The following SLCO1C1 variants were observed in gnomAD, a reference collection of about 807,000 sequenced individuals.
SLCO1C1 encodes the protein solute carrier organic anion transporter family member 1C1.
In SLCO1C1, 70 loss-of-function variants were observed where a neutral mutation model predicts 76.4. The ratio of observed to expected loss-of-function variants is 0.92; its 90% CI spans 0.76 to 1.12. The LOEUF is 1.12. Ranked by LOEUF, SLCO1C1 falls within the 50% of genes most tolerant of loss-of-function variation. The probability of loss-of-function intolerance (pLI) is 0.00; values close to 1 mark genes in which losing one functional copy is unlikely to be tolerated. For missense variants in SLCO1C1, 912 were observed against 823.8 expected (o/e 1.11, Z -1.31); for synonymous variants, 306 against 286.1 (o/e 1.07, Z -0.70).
Position 20,698,926 on chromosome 12 carries a change from T to C in SLCO1C1, c.-25-626T>C, listed in dbSNP as rs144914556. Among the ~76,000 whole-genome samples, 38 of 152,102 alleles carry C rather than the reference T, an allele frequency of 2.5e-4. No individual in the cohort carries two copies. The East Asian group carries it at 7.4e-3, about 30-fold the overall frequency. On this transcript the variant is annotated intron_variant, in intron 1 of 14. Transcript: ENST00000266509. The stretch of plus-strand genomic sequence containing the variant: ...TGAGCATGGGAAGCAAGGCTGTCTT[T>C]TTTACTTTAAGGCTGATCAAAGACT...
rs769769196 is a variant in SLCO1C1, at chr12:20,740,172, A to G, written c.1549-12A>G. The G allele has an allele frequency of 1.6e-5, 25 of 1,595,172 alleles. No individual in the cohort carries two copies. Among genetic ancestry groups the G allele is most frequent in the Middle Eastern group, 3.3e-4 (2 of 6,016 alleles). ...TACTGAAATAATTGGACTTTTCCCT[A>G]TCGTGTTACAGATATTTTACAACTG... On this transcript the variant is annotated splice_polypyrimidine_tract_variant and intron_variant, in intron 11 of 14. Coordinates refer to ENST00000266509, the MANE Select transcript of SLCO1C1 (RefSeq NM_017435.5).
intron 8 of SLCO1C1, among the ~76,000 whole-genome samples, chr12:20,722,768 A>T (rs1324356369): frequency 6.6e-6 from 1 of 152,196 alleles, no homozygotes; most frequent in Non-Finnish European, 1.5e-5. Flanking sequence ...CAGCTAGATG[A>T]TGAGGGAGTA....
intron 7 of SLCO1C1, among the ~76,000 whole-genome samples, chr12:20,719,135 T>A (rs10841599): frequency 0.035 from 4,194 of 120,200 alleles, 127 homozygotes; most frequent in African/African-American, 0.11. Flanking sequence ...TATTATTAGC[T>A]TACCCATTAT....
chr12:20,751,445 G>A (rs556692274), intron 14 of SLCO1C1, among the ~76,000 whole-genome samples: 1 of 152,216 alleles, frequency 6.6e-6, no homozygotes, highest in South Asian at 2.1e-4. Flanking sequence ...AAGAAAGATT[G>A]TTTAAAAGAC....
intron 5 of SLCO1C1, among the ~76,000 whole-genome samples, chr12:20,712,954 C>T (rs1333108920): frequency 6.6e-6 from 1 of 152,132 alleles, no homozygotes; most frequent in Non-Finnish European, 1.5e-5. Flanking sequence ...TGGACAAGAA[C>T]AGCAGCCTTG....
chr12:20,701,215 ATTGTTCT>A, intron 2 of SLCO1C1, 96 bp from the exon 3 acceptor site: 1 of 1,169,172 alleles, frequency 8.6e-7, no homozygotes, highest in Non-Finnish European at 1.1e-6. Flanking sequence ...GATATTATAC[ATTGTTCT>A]TTGTTGTTTG....
chr12:20,724,259 A>T (rs974393690), intron 9 of SLCO1C1, among the ~76,000 whole-genome samples: 1 of 151,572 alleles, frequency 6.6e-6, no homozygotes, highest in African/African-American at 2.4e-5. Flanking sequence ...TGATTTTAAC[A>T]TGAATAGATG....
chr12:20,740,788 TA>T (rs1444092324), intron 12 of SLCO1C1, among the ~76,000 whole-genome samples: 1 of 42,552 alleles, frequency 2.4e-5, no homozygotes, highest in African/African-American at 2.7e-4. Context: ...TTATTTTATT[TA>T]TATATATATA....
At chr12:20,705,911 G>A in intron 3 of SLCO1C1, 38 bp from the exon 4 acceptor site, 1 of 1,602,642 alleles carries the variant, frequency 6.2e-7, no homozygotes, top group Non-Finnish European at 8.5e-7. Context: ...TTCTTTCTAA[G>A]TTCTCTAATT....
intron 2 of SLCO1C1, 37 bp from the exon 3 acceptor site, chr12:20,701,281 T>G: frequency 7.0e-7 from 1 of 1,436,832 alleles, no homozygotes; most frequent in Non-Finnish European, 9.3e-7. Context: ...TGTGTCAAGC[T>G]GGAGTCAGAC....
At chr12:20,704,363 G>A (rs763245156) in intron 3 of SLCO1C1, among the ~76,000 whole-genome samples, 2 of 151,584 alleles carry the variant, frequency 1.3e-5, no homozygotes, top group Non-Finnish European at 3.0e-5. Context: ...TATTGGTGGA[G>A]TGTAGGCGAG....
At chr12:20,734,041 C>G (rs576611946) in intron 10 of SLCO1C1, among the ~76,000 whole-genome samples, 2 of 152,316 alleles carry the variant, frequency 1.3e-5, no homozygotes, top group Admixed American at 6.5e-5. Context: ...ACCTGAAACT[C>G]TGCCTGTGGC....
chr12:20,699,867 T>A (rs773647818), intron 2 of SLCO1C1, 162 bp downstream of exon 2: 3 of 710,196 alleles, frequency 4.2e-6, no homozygotes, highest in Non-Finnish European at 6.3e-6. Flanking sequence ...GTGCAAGCAA[T>A]CTCTACCTGA....
chr12:20,723,531 C>T (rs537475089), intron 9 of SLCO1C1, among the ~76,000 whole-genome samples: 2 of 151,882 alleles, frequency 1.3e-5, no homozygotes, highest in Non-Finnish European at 2.9e-5. Context: ...TAAGTGCAGC[C>T]GAAACCTCAA....
chr12:20,739,251 T>A (rs1056755720), intron 11 of SLCO1C1, among the ~76,000 whole-genome samples: 11 of 152,180 alleles, frequency 7.2e-5, no homozygotes, highest in African/African-American at 2.7e-4. Flanking sequence ...AGCAGCAGTT[T>A]CTGCTTTCAT....
chr12:20,752,301 T>A lies in SLCO1C1; in HGVS notation c.1917-5T>A, dbSNP rs758811700. ...AATTATAACAGAGATTCTCTCTTCTTCTAGACATATATATCTGGGACTAAC... is the reference window on the plus strand; with the variant it reads ...AATTATAACAGAGATTCTCTCTTCTACTAGACATATATATCTGGGACTAAC... On this transcript the variant is annotated splice_polypyrimidine_tract_variant and splice_region_variant and intron_variant, in intron 14 of 14. Transcript: ENST00000266509. 1 of 1,541,086 alleles carries A rather than the reference T, an allele frequency of 6.5e-7. No individual in the cohort carries two copies.
At chr12:20,715,367 G>C (rs1947315526) in intron 6 of SLCO1C1, 82 bp downstream of exon 6, 2 of 1,498,292 alleles carry the variant, frequency 1.3e-6, no homozygotes, top group Admixed American at 4.0e-5. Flanking sequence ...GCTAAATTAA[G>C]TGGGGAAGCT....
intron 8 of SLCO1C1, among the ~76,000 whole-genome samples, chr12:20,722,734 T>C (rs1290500385): frequency 6.6e-6 from 1 of 152,214 alleles, no homozygotes; most frequent in African/African-American, 2.4e-5. Flanking sequence ...AAAGTGAAGG[T>C]CTTTATGTCC....
In SLCO1C1 at chr12:20,710,247, G is replaced by A. The variant is rs534297966; in HGVS notation, c.405-1139G>A. On this transcript the variant is annotated intron_variant, in intron 4 of 14. Transcript: ENST00000266509. ...TTTTGAGATGGAGTCTCGCTCTGTC[G>A]CCCAGGCTGGAGTGCAATGGCGCGA... is the stretch of plus-strand genomic sequence containing the variant. Among the ~76,000 whole-genome samples the A allele has an allele frequency of 1.4e-3, 170 of 118,250 alleles. 1 individual carries two copies. The highest frequency in any genetic ancestry group is 2.2e-3 in the Non-Finnish European group (138 of 62,820). 77.6% of individuals were successfully genotyped at this position (118,250 alleles called of 152,430 possible).
Sources: gnomAD v4.1 joint callset for allele counts (sites outside exome capture counted in the v4.1 genomes callset) on GRCh38, gnomAD v4.1.1 for gene constraint, MANE v1.5 for transcripts, NCBI Gene and HGNC (gene_info 2026-07-23, HGNC 2026-07-21) for gene names.